Variants in ARHGAP28 observed in about 807,000 individuals in gnomAD.
ARHGAP28 encodes the protein rho GTPase-activating protein 28.
A neutral mutation model predicts 90.7 loss-of-function variants in ARHGAP28; 56 were observed. The observed-to-expected ratio is 0.62, with a 90% CI of 0.50 to 0.77. The LOEUF (loss-of-function observed/expected upper bound fraction) is 0.77. ARHGAP28 is among the 30% of genes least tolerant of loss of function. The probability of loss-of-function intolerance (pLI) is 0.00; values close to 1 mark genes in which losing one functional copy is unlikely to be tolerated. For missense variants in ARHGAP28, 869 were observed against 900.9 expected, an observed-to-expected ratio of 0.96 and a Z score of 0.45; for synonymous variants, 308 against 323.3, an observed-to-expected ratio of 0.95 and a Z score of 0.51.
intron 1 of ARHGAP28, among the ~76,000 whole-genome samples, chr18:6,779,926 AGCTTACAT>A (rs2056311780): frequency 1.3e-5 from 2 of 152,246 alleles, no homozygotes; most frequent in Non-Finnish European, 2.9e-5. Flanking sequence ...GAGAGTCCCT[AGCTTACAT>A]AAGAATGATC....
chr18:6,735,174 GGGCT>G (rs1431523690), intron 1 of ARHGAP28, among the ~76,000 whole-genome samples: 3 of 152,080 alleles, frequency 2.0e-5, no homozygotes, highest in Non-Finnish European at 4.4e-5. Context: ...ATGTAATTTT[GGGCT>G]TAAGAAACTT....
chr18:6,841,162 T>TCTCTC (rs1464043381), intron 3 of ARHGAP28, among the ~76,000 whole-genome samples: 2 of 102,410 alleles, frequency 2.0e-5, no homozygotes, highest in Non-Finnish European at 4.2e-5. Flanking sequence ...CCTCTTTCTC[T>TCTCTC]CTCTCCTCTC....
intron 5 of ARHGAP28, among the ~76,000 whole-genome samples, chr18:6,865,720 A>C (rs367748900): frequency 6.6e-6 from 1 of 152,186 alleles, no homozygotes; most frequent in East Asian, 1.9e-4. Flanking sequence ...TCTAGGAGAA[A>C]ACTATAGCAG....
chr18:6,834,867 G>C (rs1489762076), intron 2 of ARHGAP28, among the ~76,000 whole-genome samples: 1 of 152,162 alleles, frequency 6.6e-6, no homozygotes, highest in Non-Finnish European at 1.5e-5. Flanking sequence ...GGTGGGTTTC[G>C]TGTGTTGAAA....
At chr18:6,892,777 A>T (rs949580821) in intron 14 of ARHGAP28, among the ~76,000 whole-genome samples, 3 of 152,234 alleles carry the variant, frequency 2.0e-5, no homozygotes, top group African/African-American at 4.8e-5. Flanking sequence ...ATAACTAATG[A>T]TTAGACAGAG....
intron 1 of ARHGAP28, among the ~76,000 whole-genome samples, chr18:6,783,178 G>A (rs60421278): frequency 0.23 from 35,170 of 151,918 alleles, 5,503 homozygotes; most frequent in African/African-American, 0.44. Flanking sequence ...TGCTCCCCCT[G>A]CTTACCCACT....
chr18:6,741,641 A>G (rs1484529590), intron 1 of ARHGAP28, among the ~76,000 whole-genome samples: 2 of 151,230 alleles, frequency 1.3e-5, no homozygotes, highest in Non-Finnish European at 2.9e-5. Flanking sequence ...AAGAAAAAAA[A>G]TAGCACCAAT....
At chr18:6,761,032 T>G (rs544168212) in intron 1 of ARHGAP28, among the ~76,000 whole-genome samples, 1 of 152,278 alleles carries the variant, frequency 6.6e-6, no homozygotes, top group South Asian at 2.1e-4. Context: ...TTAAATTCAG[T>G]CTTTAAAATG....
chr18:6,742,941 T>C (rs2055991644), intron 1 of ARHGAP28, among the ~76,000 whole-genome samples: 1 of 152,138 alleles, frequency 6.6e-6, no homozygotes, highest in Non-Finnish European at 1.5e-5. Context: ...GTAAAGAAAA[T>C]CATCCACCAG....
intron 10 of ARHGAP28, among the ~76,000 whole-genome samples, chr18:6,876,851 C>A (rs957615559): frequency 6.6e-6 from 1 of 152,160 alleles, no homozygotes; most frequent in Non-Finnish European, 1.5e-5. Flanking sequence ...CATGAGGTGG[C>A]AAACTCTACA....
intron 1 of ARHGAP28, among the ~76,000 whole-genome samples, chr18:6,769,177 A>G (rs985661678): frequency 2.0e-5 from 3 of 151,986 alleles, no homozygotes; most frequent in Non-Finnish European, 4.4e-5. Context: ...ACAAGCTGAT[A>G]TTAGACACAG....
intron 1 of ARHGAP28, among the ~76,000 whole-genome samples, chr18:6,812,593 T>C: frequency 6.6e-6 from 1 of 152,084 alleles, no homozygotes; most frequent in Non-Finnish European, 1.5e-5. Flanking sequence ...TTACTCTCCA[T>C]CCCCATGGCA....
intron 1 of ARHGAP28, among the ~76,000 whole-genome samples, chr18:6,818,422 A>T (rs2056605772): frequency 6.6e-6 from 1 of 152,218 alleles, no homozygotes; most frequent in Non-Finnish European, 1.5e-5. Context: ...CTAGTCATTC[A>T]TTCAGCAAGT....
intron 1 of ARHGAP28, among the ~76,000 whole-genome samples, chr18:6,769,119 G>A (rs1057033806): frequency 3.3e-5 from 5 of 151,878 alleles, no homozygotes; most frequent in African/African-American, 1.2e-4. Flanking sequence ...CAACTTTTTG[G>A]TAGGGTGAGA....
At chr18:6,774,544 TA>T (rs2056268675) in intron 1 of ARHGAP28, among the ~76,000 whole-genome samples, 1 of 152,232 alleles carries the variant, frequency 6.6e-6, no homozygotes, top group Non-Finnish European at 1.5e-5. Flanking sequence ...AATAGATGGT[TA>T]AAAATGAATT....
chr18:6,798,678 G>A lies in ARHGAP28; in HGVS notation c.123-26084G>A, dbSNP rs539239803. ...CACCCACAGTGATATAATGGACTTC[G>A]GGGACTCAGAGGGAGGGTGAGGAAT... is the stretch of plus-strand genomic sequence containing the variant. On this transcript the variant is annotated intron_variant, in intron 1 of 17. Coordinates refer to ENST00000383472, the MANE Select transcript of ARHGAP28 (RefSeq NM_001366230.1). 4.6e-5 allele frequency among the ~76,000 whole-genome samples: 7 copies of A among 152,242 alleles called. No individual in the cohort carries two copies. In the South Asian group the frequency reaches 1.0e-3, roughly 23 times the overall value.
At chr18:6,867,045 A>G (rs2057043024) in intron 5 of ARHGAP28, among the ~76,000 whole-genome samples, 3 of 152,208 alleles carry the variant, frequency 2.0e-5, no homozygotes, top group Admixed American at 2.0e-4. Flanking sequence ...TGGCCAGACA[A>G]TGAACCTACA....
intron 16 of ARHGAP28, among the ~76,000 whole-genome samples, chr18:6,906,553 T>G (rs1284224674): frequency 6.6e-6 from 1 of 152,206 alleles, no homozygotes; most frequent in African/African-American, 2.4e-5. Context: ...GTAAATGGTG[T>G]TGTAGCAATG....
intron 1 of ARHGAP28, among the ~76,000 whole-genome samples, chr18:6,758,156 G>C (rs76353233): frequency 1.3e-5 from 2 of 152,154 alleles, no homozygotes; most frequent in African/African-American, 4.8e-5. Context: ...AGGTTTGCTA[G>C]CAATATTATT....
Sources: allele counts gnomAD v4.1 joint callset (sites outside exome capture counted in the v4.1 genomes callset), GRCh38; gene constraint gnomAD v4.1.1; transcripts MANE v1.5; gene names NCBI Gene and HGNC (gene_info 2026-07-23, HGNC 2026-07-21).